Variants in GABRR2 observed in about 807,000 individuals in gnomAD.
GABRR2 encodes gamma-aminobutyric acid type A receptor subunit rho2.
Under a neutral mutation model 47.0 loss-of-function variants are expected in GABRR2, and 36 were observed. The ratio of observed to expected loss-of-function variants is 0.77; its 90% CI spans 0.59 to 1.01. The LOEUF is 1.01. GABRR2 is among the 50% of genes least tolerant of loss of function. The probability of loss-of-function intolerance (pLI) is 0.00; values close to 1 mark genes in which losing one functional copy is unlikely to be tolerated. For synonymous variants in GABRR2, 204 were observed against 227.5 expected, an observed-to-expected ratio of 0.90 and a Z score of 0.93; for missense variants, 587 against 594.6, an observed-to-expected ratio of 0.99 and a Z score of 0.13.
rs1773642304 is a variant in GABRR2 at position 89,257,881 on chromosome 6, T to C, written c.1187A>G (p.His396Arg). The C allele has an allele frequency of 2.5e-6, 4 of 1,613,962 alleles. No homozygotes were observed. The highest frequency in any genetic ancestry group is 3.4e-6 in the Non-Finnish European group (4 of 1,179,904). Reference protein sequence around the residue: ...ANSLAGYPRSHILTEEERQDK... With the variant: ...ANSLAGYPRSRILTEEERQDK... ...TTGCCTTTCTTCTTCTGTCAGGATA[T>C]GGCTTCTGGGGTACCCAGCCAGGCT... Residue 396 changes from histidine to arginine, a missense_variant, in exon 9 of 9, where the codon CAT becomes CGT. Coordinates refer to ENST00000402938, the MANE Select transcript of GABRR2 (RefSeq NM_002043.5).
intron 2 of GABRR2, among the ~76,000 whole-genome samples, chr6:89,287,658 C>T (rs538442015): frequency 3.1e-4 from 47 of 152,312 alleles, no homozygotes; most frequent in African/African-American, 1.1e-3. Flanking sequence ...GCTGATATCA[C>T]CCCCATTCCA....
At chr6:89,264,760 A>G (rs535358175) in intron 7 of GABRR2, among the ~76,000 whole-genome samples, 152 bp from the exon 8 acceptor site, 1 of 152,228 alleles carries the variant, frequency 6.6e-6, no homozygotes, top group African/African-American at 2.4e-5. Flanking sequence ...GATCTGCCCT[A>G]CTAGCAGCCA....
intron 2 of GABRR2, among the ~76,000 whole-genome samples, chr6:89,294,655 T>A (rs543116404): frequency 2.6e-5 from 4 of 152,082 alleles, no homozygotes; most frequent in South Asian, 2.1e-4. Context: ...TTTTTTTTTT[T>A]TATACTTTAA....
Position 89,306,424 on chromosome 6 carries a change from A to C in GABRR2, c.114-6559T>G, listed in dbSNP as rs140096017. Among the ~76,000 whole-genome samples the C allele has an allele frequency of 9.8e-5, 15 of 152,354 alleles. No homozygotes were observed. In the East Asian group the frequency reaches 2.9e-3, roughly 29 times the overall value. On this transcript the variant is annotated intron_variant, in intron 1 of 8. Transcript: ENST00000402938. The stretch of plus-strand genomic sequence containing the variant: ...TTTGTGATAAATATACTTCTAAGAC[A>C]AATATAGTCAAAACTTTTAAATGCT...
intron 2 of GABRR2, among the ~76,000 whole-genome samples, chr6:89,284,700 C>G (rs1396476744): frequency 6.6e-6 from 1 of 152,224 alleles, no homozygotes; most frequent in Non-Finnish European, 1.5e-5. Context: ...CATGGCCCTG[C>G]TGACGCCTTG....
At chr6:89,290,097 T>G (rs541728522) in intron 2 of GABRR2, among the ~76,000 whole-genome samples, 1 of 152,322 alleles carries the variant, frequency 6.6e-6, no homozygotes, top group East Asian at 1.9e-4. Context: ...CCCATCAGCA[T>G]TTTAGAGACC....
intron 8 of GABRR2, among the ~76,000 whole-genome samples, chr6:89,261,634 G>A (rs1054969764): frequency 3.3e-5 from 5 of 152,160 alleles, no homozygotes; most frequent in African/African-American, 1.2e-4. Context: ...CTAGGGCCAG[G>A]GTGAAGTCAC....
chr6:89,311,032 C>T (rs76697618), intron 1 of GABRR2, among the ~76,000 whole-genome samples: 7,583 of 152,128 alleles, frequency 0.05, 258 homozygotes, highest in African/African-American at 0.094. Context: ...TAGTCATGGT[C>T]GGGTGCTGCC....
chr6:89,301,329 C>T (rs537081214), intron 1 of GABRR2, among the ~76,000 whole-genome samples: 5 of 152,208 alleles, frequency 3.3e-5, no homozygotes, highest in South Asian at 4.2e-4. Context: ...CAAGGGTGCC[C>T]TCTCTCACCA....
At chr6:89,294,070 T>C (rs746709930) in intron 2 of GABRR2, among the ~76,000 whole-genome samples, 2 of 152,248 alleles carry the variant, frequency 1.3e-5, no homozygotes, top group Non-Finnish European at 2.9e-5. Flanking sequence ...AAAAATATTT[T>C]GTTTAAAAAA....
At chr6:89,265,952 C>G (rs922936285) in intron 6 of GABRR2, among the ~76,000 whole-genome samples, 187 bp from the exon 7 acceptor site, 15 of 152,208 alleles carry the variant, frequency 9.9e-5, no homozygotes, top group Non-Finnish European at 1.0e-4. Flanking sequence ...ATATAAATAT[C>G]TTGCCAATAT....
Position 89,292,787 on chromosome 6 carries a change from C to T in GABRR2, c.220+6972G>A, listed in dbSNP as rs1344897031. 3.4e-3 allele frequency among the ~76,000 whole-genome samples: 32 copies of T among 9,542 alleles called. 2 individuals are homozygous for T. Among genetic ancestry groups the T allele is most frequent in the East Asian group, 0.071 (2 of 28 alleles). The allele number at this position is 9,542 out of a possible 152,430, so 6.3% of individuals were successfully genotyped here. A position where few individuals can be genotyped will look rare whatever the true frequency, so the allele number is the denominator to read the frequency against. On this transcript the variant is annotated intron_variant, in intron 2 of 8. Transcript: ENST00000402938. ...CGATATATCGTATATATCGTATATACGATATATCGTATATATCGTATATAC... is the reference window on the plus strand; with the variant it reads ...CGATATATCGTATATATCGTATATATGATATATCGTATATATCGTATATAC...
chr6:89,259,496 T>C (rs1444216295), intron 8 of GABRR2, among the ~76,000 whole-genome samples: 5 of 141,368 alleles, frequency 3.5e-5, no homozygotes, highest in Non-Finnish European at 6.4e-5. Flanking sequence ...ACACTTCTTT[T>C]TTTTTGTTTT....
chr6:89,285,625 G>C (rs1582452848), intron 2 of GABRR2, among the ~76,000 whole-genome samples: 3 of 152,126 alleles, frequency 2.0e-5, no homozygotes, highest in East Asian at 3.9e-4. Context: ...ATGTGTTCAG[G>C]GGTCTGGGTT....
chr6:89,288,110 C>G (rs1233885037), intron 2 of GABRR2, among the ~76,000 whole-genome samples: 4 of 152,140 alleles, frequency 2.6e-5, no homozygotes, highest in Non-Finnish European at 1.5e-5. Context: ...TCCCCTTGAA[C>G]CTAGGTGAGA....
intron 2 of GABRR2, among the ~76,000 whole-genome samples, chr6:89,273,540 C>G (rs986869853): frequency 4.6e-5 from 7 of 152,206 alleles, no homozygotes; most frequent in Non-Finnish European, 8.8e-5. Context: ...GGCCTGCATT[C>G]TCTTTTTATT....
chr6:89,293,087 T>C (rs560419569), intron 2 of GABRR2, among the ~76,000 whole-genome samples: 2 of 151,996 alleles, frequency 1.3e-5, no homozygotes, highest in African/African-American at 4.8e-5. Context: ...ATACACAAAA[T>C]GTGGTATACA....
chr6:89,278,909 G>C (rs1485634898), intron 2 of GABRR2, among the ~76,000 whole-genome samples: 2 of 152,200 alleles, frequency 1.3e-5, no homozygotes, highest in Non-Finnish European at 2.9e-5. Context: ...TGGTCCCACA[G>C]GTGGGTCATT....
At chr6:89,301,424 A>G (rs1006111861) in intron 1 of GABRR2, among the ~76,000 whole-genome samples, 12 of 152,208 alleles carry the variant, frequency 7.9e-5, no homozygotes, top group Non-Finnish European at 1.5e-4. Flanking sequence ...GAAGAGAGGA[A>G]GTCAAACTAT....
Sources: allele counts gnomAD v4.1 joint callset (sites outside exome capture counted in the v4.1 genomes callset), GRCh38; gene constraint gnomAD v4.1.1; transcripts MANE v1.5; gene names NCBI Gene and HGNC (gene_info 2026-07-23, HGNC 2026-07-21).